ZBTB20: variants seen among roughly 807,000 people sequenced by gnomAD.
ZBTB20 encodes zinc finger and BTB domain-containing protein 20.
In ZBTB20, 9 loss-of-function variants were observed where a neutral mutation model predicts 56.9. The observed-to-expected ratio is 0.16, with a 90% CI of 0.10 to 0.28. ZBTB20 has a LOEUF of 0.28. Ranked by LOEUF, ZBTB20 falls within the 10% of genes least tolerant of loss-of-function variation. ZBTB20 has a pLI of 1.00. For synonymous variants in ZBTB20, 417 were observed against 420.7 expected, an observed-to-expected ratio of 0.99 and a Z score of 0.11; for missense variants, 655 against 1,003.0, an observed-to-expected ratio of 0.65 and a Z score of 4.69.
intron 4 of ZBTB20, among the ~76,000 whole-genome samples, chr3:114,833,409 G>A (rs2073959168): frequency 6.6e-6 from 1 of 152,090 alleles, no homozygotes; most frequent in Non-Finnish European, 1.5e-5. Context: ...AAATACAAAT[G>A]CCTTTGAAGA....
intron 4 of ZBTB20, among the ~76,000 whole-genome samples, chr3:114,863,441 AAAAG>A (rs1483477017): frequency 6.6e-6 from 1 of 152,140 alleles, no homozygotes; most frequent in East Asian, 1.9e-4. Flanking sequence ...ACTACAATAA[AAAAG>A]AAATAAAGAA....
chr3:114,539,720 G>T (rs1386087697), intron 6 of ZBTB20, among the ~76,000 whole-genome samples: 1 of 151,744 alleles, frequency 6.6e-6, no homozygotes, highest in Non-Finnish European at 1.5e-5. Flanking sequence ...TTATCTCTTT[G>T]CTAAGGCTAT....
At chr3:114,695,352 A>T (rs756953046) in intron 5 of ZBTB20, among the ~76,000 whole-genome samples, 12 of 152,016 alleles carry the variant, frequency 7.9e-5, no homozygotes, top group Non-Finnish European at 1.2e-4. Flanking sequence ...AGAAACAGCT[A>T]ATGTGTTCCC....
chr3:114,827,361 T>C (rs2073588021), intron 4 of ZBTB20, among the ~76,000 whole-genome samples: 1 of 151,540 alleles, frequency 6.6e-6, no homozygotes, highest in African/African-American at 2.4e-5. Flanking sequence ...GTCAGAGGCA[T>C]GAGAAAGGTA....
chr3:114,744,408 T>C (rs2066871245), intron 5 of ZBTB20, among the ~76,000 whole-genome samples: 1 of 152,206 alleles, frequency 6.6e-6, no homozygotes, highest in Non-Finnish European at 1.5e-5. Flanking sequence ...ATTATTTGGA[T>C]ACCATAAAAC....
Position 114,347,077 on chromosome 3 carries a change from GTTTT to G in ZBTB20, c.1804+3193_1804+3196del, listed in dbSNP as rs59044965. ...GAATCTTATAATTTATTCTCTTCAG[GTTTT>G]TTTTTTTTTTTTTTTTTTTTTTTTT... On this transcript the variant is annotated intron_variant, in intron 11 of 11. Transcript: ENST00000675478. 3.5e-3 allele frequency among the ~76,000 whole-genome samples: 248 copies of G among 71,000 alleles called. 2 individuals are homozygous for G. The highest frequency in any genetic ancestry group is 6.3e-3 in the African/African-American group (97 of 15,450). The allele number at this position is 71,000 out of a possible 152,430, so 46.6% of individuals were successfully genotyped here. A position where few individuals can be genotyped will look rare whatever the true frequency, so the allele number is the denominator to read the frequency against.
In ZBTB20 at chr3:114,325,131, A is replaced by C. The variant is rs1243333518; in HGVS notation, c.*13874T>G. Reference sequence around the variant, plus strand: ...ATAATTCTTTCAACAATAGTGTAGGAACAATTTTAATTAGATATATGCAAA... The same window carrying C: ...ATAATTCTTTCAACAATAGTGTAGGCACAATTTTAATTAGATATATGCAAA... On this transcript the variant is annotated 3_prime_UTR_variant, in exon 12 of 12. Coordinates refer to ENST00000675478, the MANE Select transcript of ZBTB20 (RefSeq NM_001348800.3). The C allele has an allele frequency of 6.6e-6, 1 of 152,168 alleles. No individual in the cohort carries two copies. The highest frequency in any genetic ancestry group is 6.6e-5 in the Admixed American group (1 of 15,266). 9.4% of individuals were successfully genotyped at this position (152,168 alleles called of 1,614,324 possible).
chr3:114,616,042 C>T (rs189272269), intron 6 of ZBTB20, among the ~76,000 whole-genome samples: 2 of 152,330 alleles, frequency 1.3e-5, no homozygotes, highest in Admixed American at 1.3e-4. Context: ...GCTAAAATAT[C>T]ATTATGCTGT....
At chr3:114,958,331 A>C (rs1422445091) in intron 3 of ZBTB20, among the ~76,000 whole-genome samples, 2 of 152,234 alleles carry the variant, frequency 1.3e-5, no homozygotes, top group African/African-American at 4.8e-5. Flanking sequence ...TGACAGTAAT[A>C]AACAGTTCAT....
At chr3:114,583,567 T>A (rs1328333389) in intron 6 of ZBTB20, among the ~76,000 whole-genome samples, 1 of 152,172 alleles carries the variant, frequency 6.6e-6, no homozygotes, top group Admixed American at 6.5e-5. Flanking sequence ...AGTGAATACT[T>A]ATTAAAGAAA....
chr3:114,882,209 G>A (rs925614726), intron 4 of ZBTB20, among the ~76,000 whole-genome samples: 1 of 151,878 alleles, frequency 6.6e-6, no homozygotes, highest in Non-Finnish European at 1.5e-5. Flanking sequence ...TTAATATGTT[G>A]TTTAATCTAA....
At chr3:114,420,646 G>A (rs1020039307) in intron 7 of ZBTB20, among the ~76,000 whole-genome samples, 1 of 152,128 alleles carries the variant, frequency 6.6e-6, no homozygotes, top group African/African-American at 2.4e-5. Flanking sequence ...CAGCCTTAGG[G>A]TCTCTAGGGC....
intron 5 of ZBTB20, among the ~76,000 whole-genome samples, chr3:114,749,397 C>A (rs2067372702): frequency 6.6e-6 from 1 of 151,966 alleles, no homozygotes. Context: ...ACTAAAAATA[C>A]AAAAAAGTAG....
At chr3:114,781,930 C>A (rs1251477368) in intron 5 of ZBTB20, among the ~76,000 whole-genome samples, 1 of 152,210 alleles carries the variant, frequency 6.6e-6, no homozygotes, top group Non-Finnish European at 1.5e-5. Flanking sequence ...CCACGTGAAA[C>A]TGTGAGTCCA....
At chr3:114,462,424 G>T (rs994336457) in intron 7 of ZBTB20, among the ~76,000 whole-genome samples, 1 of 152,178 alleles carries the variant, frequency 6.6e-6, no homozygotes, top group Non-Finnish European at 1.5e-5. Context: ...TTTAGTGACA[G>T]CTTTGAATTC....
intron 6 of ZBTB20, among the ~76,000 whole-genome samples, chr3:114,589,943 C>T (rs1338222185): frequency 6.6e-6 from 1 of 152,112 alleles, no homozygotes; most frequent in Non-Finnish European, 1.5e-5. Context: ...ATACCACCAA[C>T]ACATGTTAAC....
chr3:114,718,672 A>T (rs2064686514), intron 5 of ZBTB20, among the ~76,000 whole-genome samples: 1 of 152,122 alleles, frequency 6.6e-6, no homozygotes, highest in Admixed American at 6.6e-5. Context: ...TAATAAAAAT[A>T]ACATGAATAA....
At chr3:114,604,407 G>A (rs2056988713) in intron 6 of ZBTB20, among the ~76,000 whole-genome samples, 1 of 151,984 alleles carries the variant, frequency 6.6e-6, no homozygotes, top group African/African-American at 2.4e-5. Flanking sequence ...AATGGGAATA[G>A]AAAGAGAAAA....
chr3:114,906,455 A>G (rs2075320776), intron 3 of ZBTB20, among the ~76,000 whole-genome samples: 1 of 151,656 alleles, frequency 6.6e-6, no homozygotes. Flanking sequence ...TTTCAATTAG[A>G]AGTTTTGAGT....
Sources: allele counts gnomAD v4.1 joint callset (sites outside exome capture counted in the v4.1 genomes callset), GRCh38; gene constraint gnomAD v4.1.1; transcripts MANE v1.5; gene names NCBI Gene and HGNC (gene_info 2026-07-23, HGNC 2026-07-21).